The following USP6NL variants were observed in gnomAD, a reference collection of about 807,000 sequenced individuals.
USP6NL encodes the protein USP6 N-terminal-like protein.
USP6NL carries 26 observed loss-of-function variants against 61.9 expected under a neutral mutation model. That is an observed-to-expected ratio of 0.42 (90% CI 0.31 to 0.58). The LOEUF is 0.58. Among genes scored for constraint, USP6NL ranks in the 20% least tolerant of loss-of-function variants. USP6NL has a pLI of 0.16. For missense variants in USP6NL, 1,114 were observed against 1,034.3 expected, an observed-to-expected ratio of 1.08 and a Z score of -1.06; for synonymous variants, 432 against 390.1, an observed-to-expected ratio of 1.11 and a Z score of -1.27.
intron 2 of USP6NL, among the ~76,000 whole-genome samples, chr10:11,534,444 T>C (rs1835762970): frequency 6.6e-6 from 1 of 152,214 alleles, no homozygotes; most frequent in Non-Finnish European, 1.5e-5. Flanking sequence ...AAATGCCAAC[T>C]GCGTAGCTGC....
At chr10:11,538,418 C>A (rs1835923073) in intron 2 of USP6NL, among the ~76,000 whole-genome samples, 1 of 152,178 alleles carries the variant, frequency 6.6e-6, no homozygotes, top group South Asian at 2.1e-4. Context: ...GTCTCTTCTA[C>A]TGAACTATGA....
chr10:11,532,041 G>A lies in USP6NL; in HGVS notation c.5-4474C>T, dbSNP rs1360352663. 1.5e-6 allele frequency: 1 copy of A among 647,572 alleles called. No individual in the cohort carries two copies. The highest frequency in any genetic ancestry group is 2.8e-5 in the East Asian group (1 of 35,950). The allele number at this position is 647,572 out of a possible 1,614,324, so 40.1% of individuals were successfully genotyped here. On this transcript the variant is annotated intron_variant, in intron 2 of 14. Coordinates refer to ENST00000609104, the MANE Select transcript of USP6NL (RefSeq NM_014688.5). This position sits in a 1 kb window ranked among gnomAD's most constrained non-coding sequence, Gnocchi z 4.1. ...AATGTCACTAAATTAGCACCAAACT[G>A]CAATGAAAAATTCATACAAAGTTAC...
rs150193076 is a variant in USP6NL, at chr10:11,481,423, G to A, written c.1078+347C>T. On this transcript the variant is annotated intron_variant, in intron 14 of 14. Coordinates refer to ENST00000609104, the MANE Select transcript of USP6NL (RefSeq NM_014688.5). The surrounding 1 kb of genome is among the most constrained non-coding windows in gnomAD (Gnocchi z 4.4). ...TATTGCTGTACTTACTATTGTATAC[G>A]GTTTCACAAAATGAGATGAAGAAAG... is the stretch of plus-strand genomic sequence containing the variant. Among the ~76,000 whole-genome samples the A allele has an allele frequency of 9.9e-5, 15 of 152,114 alleles. No homozygotes were observed. In the East Asian group the frequency reaches 2.3e-3, roughly 24 times the overall value.
Position 11,476,698 on chromosome 10 carries a change from C to A in USP6NL, c.1078+5072G>T, listed in dbSNP as rs1832980350. On this transcript the variant is annotated intron_variant, in intron 14 of 14. Transcript: ENST00000609104. This position sits in a 1 kb window ranked among gnomAD's most constrained non-coding sequence, Gnocchi z 4.3. The stretch of plus-strand genomic sequence containing the variant: ...AAACTCCTCTTCACACAAATCTAGT[C>A]AATGAAAACCAAAAATTTAAATGGT... 6.6e-6 allele frequency among the ~76,000 whole-genome samples: 1 copy of A among 151,872 alleles called. No individual in the cohort carries two copies.
rs1212043519 is a variant in USP6NL, at chr10:11,598,424, T to C, written c.-83-707A>G. 6.6e-6 allele frequency among the ~76,000 whole-genome samples: 1 copy of C among 152,222 alleles called. No individual in the cohort carries two copies. Among genetic ancestry groups the C allele is most frequent in the East Asian group, 1.9e-4 (1 of 5,202 alleles). On this transcript the variant is annotated intron_variant, in intron 1 of 14. Coordinates refer to ENST00000609104, the MANE Select transcript of USP6NL (RefSeq NM_014688.5). The surrounding 1 kb of genome is among the most constrained non-coding windows in gnomAD (Gnocchi z 4.7). ...CATAAAACATCAACTTGTGTTAGTA[T>C]TAATACAAACTTAACCCTTTGCTAA... is the stretch of plus-strand genomic sequence containing the variant.
intron 10 of USP6NL, among the ~76,000 whole-genome samples, chr10:11,486,709 A>G (rs1324450158): frequency 2.0e-5 from 3 of 152,232 alleles, no homozygotes; most frequent in East Asian, 3.8e-4. Flanking sequence ...AAAAGAAACC[A>G]GAGGACACAT....
In USP6NL at chr10:11,597,179, T is replaced by C. The variant is rs1228819491; in HGVS notation, c.4+452A>G. Among the ~76,000 whole-genome samples the C allele has an allele frequency of 1.3e-5, 2 of 152,336 alleles. No individual in the cohort carries two copies. Among genetic ancestry groups the C allele is most frequent in the South Asian group, 2.1e-4 (1 of 4,832 alleles). On this transcript the variant is annotated intron_variant, in intron 2 of 14. Coordinates refer to ENST00000609104, the MANE Select transcript of USP6NL (RefSeq NM_014688.5). This position sits in a 1 kb window ranked among gnomAD's most constrained non-coding sequence, Gnocchi z 4.6. ...TTATCAAATGTGGTTAAGCCCAGGA[T>C]AGCCTTGGTTCTTTGTTCTATCAGA...
At position 11,465,949 on chromosome 10, in the gene USP6NL, A is replaced by T. The variant is rs1436085437; in HGVS notation, c.1079-2100T>A. ...CATTTTCAGTGTCAACAATGTAATG[A>T]AACAAACTACAGTGATTATAATAAA... On this transcript the variant is annotated intron_variant, in intron 14 of 14. Transcript: ENST00000609104. This position sits in a 1 kb window ranked among gnomAD's most constrained non-coding sequence, Gnocchi z 4.5. Among the ~76,000 whole-genome samples the T allele has an allele frequency of 6.6e-6, 1 of 152,226 alleles. No homozygotes were observed. The highest frequency in any genetic ancestry group is 1.5e-5 in the Non-Finnish European group (1 of 68,050).
chr10:11,501,160 C>T lies in USP6NL; in HGVS notation c.325G>A (p.Val109Ile), dbSNP rs760575863. ...GGGATCTCAAGAAGGAGGGCCCAGA[C>T]TTCACCTCTGAGCTGGAGTGGTATT... ...KGIPLQLRGE[V>I]WALLLEIPKM... is the part of the protein sequence containing the mutation. The change falls in exon 7 of 15, where the codon GTC becomes ATC. Residue 109 changes from valine (V) to isoleucine (I), a missense_variant. Transcript: ENST00000609104. 8.1e-6 allele frequency: 13 copies of T among 1,613,440 alleles called. No individual in the cohort carries two copies. In the East Asian group the frequency reaches 2.9e-4, roughly 36 times the overall value.
intron 2 of USP6NL, among the ~76,000 whole-genome samples, chr10:11,586,482 C>T (rs1021994051): frequency 6.7e-6 from 1 of 149,370 alleles, no homozygotes; most frequent in Non-Finnish European, 1.5e-5. Context: ...ACCATGAAAA[C>T]AATTACTGAA....
intron 2 of USP6NL, among the ~76,000 whole-genome samples, chr10:11,560,676 A>G (rs1291650917): frequency 2.7e-5 from 4 of 147,888 alleles, no homozygotes; most frequent in South Asian, 2.1e-4. Context: ...AACAAAGAAG[A>G]AAAAAAAGGC....
intron 5 of USP6NL, among the ~76,000 whole-genome samples, chr10:11,515,992 C>G (rs1444990324): frequency 6.6e-6 from 1 of 152,158 alleles, no homozygotes; most frequent in Non-Finnish European, 1.5e-5. Context: ...GAAGGGATAG[C>G]TGAATCTATG....
intron 14 of USP6NL, among the ~76,000 whole-genome samples, chr10:11,469,872 C>T (rs1208119144): frequency 1.3e-5 from 2 of 152,204 alleles, no homozygotes; most frequent in Non-Finnish European, 2.9e-5. Flanking sequence ...AGCCCGTGCA[C>T]GCTCATGATA....
chr10:11,478,775 T>G lies in USP6NL; in HGVS notation c.1078+2995A>C, dbSNP rs1173623690. ...CTAAAATTACCCAGGAGTGGTGGCATGCACCTGTAGTCCCAGCTACCTGGG... is the reference window on the plus strand; with the variant it reads ...CTAAAATTACCCAGGAGTGGTGGCAGGCACCTGTAGTCCCAGCTACCTGGG... On this transcript the variant is annotated intron_variant, in intron 14 of 14. Coordinates refer to ENST00000609104, the MANE Select transcript of USP6NL (RefSeq NM_014688.5). The surrounding 1 kb of genome is among the most constrained non-coding windows in gnomAD (Gnocchi z 6.8). 6.6e-6 allele frequency among the ~76,000 whole-genome samples: 1 copy of G among 151,988 alleles called. No homozygotes were observed. Among genetic ancestry groups the G allele is most frequent in the Non-Finnish European group, 1.5e-5 (1 of 67,974 alleles).
At chr10:11,494,365 T>C (rs1019120662) in intron 7 of USP6NL, among the ~76,000 whole-genome samples, 6 of 152,230 alleles carry the variant, frequency 3.9e-5, no homozygotes, top group Admixed American at 2.0e-4. Context: ...TAAAAACTCC[T>C]ACCCAAATCT....
rs936114402 is a variant in USP6NL, at chr10:11,536,510, G to A, written c.5-8943C>T. Among the ~76,000 whole-genome samples, 3 of 152,268 alleles carry A rather than the reference G, an allele frequency of 2.0e-5. No individual in the cohort carries two copies. In the East Asian group the frequency reaches 5.8e-4, roughly 29 times the overall value. On this transcript the variant is annotated intron_variant, in intron 2 of 14. Transcript: ENST00000609104. ...AAGGTTTAGACAATCAATAGCTTATGTTATTTTGATGTAAATTCTTGGTAA... is the reference window on the plus strand; with the variant it reads ...AAGGTTTAGACAATCAATAGCTTATATTATTTTGATGTAAATTCTTGGTAA...
At chr10:11,556,235 T>A (rs1001703904) in intron 2 of USP6NL, among the ~76,000 whole-genome samples, 1 of 152,226 alleles carries the variant, frequency 6.6e-6, no homozygotes, top group African/African-American at 2.4e-5. Flanking sequence ...TAATTTGTTA[T>A]AAATTTGAAT....
chr10:11,593,062 T>C (rs1838205442), intron 2 of USP6NL, among the ~76,000 whole-genome samples: 1 of 152,304 alleles, frequency 6.6e-6, no homozygotes, highest in Admixed American at 6.5e-5. Flanking sequence ...ACTCATTTCA[T>C]TATTTAGAAC....
chr10:11,579,466 G>A (rs1319224708), intron 2 of USP6NL, among the ~76,000 whole-genome samples: 1 of 152,082 alleles, frequency 6.6e-6, no homozygotes, highest in Non-Finnish European at 1.5e-5. Flanking sequence ...TCAATTACAT[G>A]CAGTGCGCAC....
Sources: gnomAD v4.1 joint callset for allele counts (sites outside exome capture counted in the v4.1 genomes callset) on GRCh38, gnomAD v4.1.1 for gene constraint, Gnocchi (gnomAD v3.1) non-coding constraint, MANE v1.5 for transcripts, NCBI Gene and HGNC (gene_info 2026-07-23, HGNC 2026-07-21) for gene names.